The following KCNIP4 variants were observed in gnomAD, a reference collection of about 807,000 sequenced individuals.
KCNIP4 encodes potassium voltage-gated channel interacting protein 4, also known as Kv channel-interacting protein 4.
KCNIP4 carries 12 observed loss-of-function variants against 34.0 expected under a neutral mutation model. That is an observed-to-expected ratio of 0.35 (90% CI 0.23 to 0.57). KCNIP4 has a LOEUF of 0.57. Ranked by LOEUF, KCNIP4 falls within the 20% of genes least tolerant of loss-of-function variation. The pLI is 0.83. For synonymous variants in KCNIP4, 124 were observed against 102.2 expected (o/e 1.21, Z -1.29); for missense variants, 238 against 311.7 (o/e 0.76, Z 1.78).
intron 1 of KCNIP4, among the ~76,000 whole-genome samples, chr4:20,884,460 A>G (rs1047232566): frequency 1.3e-5 from 2 of 151,634 alleles, no homozygotes; most frequent in East Asian, 3.9e-4. Flanking sequence ...CTTGCAAAAT[A>G]AATCTGGTTT....
At chr4:21,832,242 C>A (rs1723032065) in intron 1 of KCNIP4, among the ~76,000 whole-genome samples, 1 of 152,084 alleles carries the variant, frequency 6.6e-6, no homozygotes. Context: ...ATAATAAAGG[C>A]CTTAAATGAC....
At chr4:20,920,762 C>T (rs1028050908) in intron 1 of KCNIP4, among the ~76,000 whole-genome samples, 5 of 152,020 alleles carry the variant, frequency 3.3e-5, no homozygotes, top group South Asian at 2.1e-4. Flanking sequence ...GAGGCCGAGG[C>T]GGGTGGATCA....
At chr4:21,300,993 C>T (rs900233310) in intron 1 of KCNIP4, among the ~76,000 whole-genome samples, 7 of 152,040 alleles carry the variant, frequency 4.6e-5, no homozygotes, top group African/African-American at 1.7e-4. Context: ...AGCATTTGTG[C>T]TCCAACTACT....
chr4:21,105,620 T>G (rs1405685916), intron 1 of KCNIP4, among the ~76,000 whole-genome samples: 1 of 151,654 alleles, frequency 6.6e-6, no homozygotes, highest in Non-Finnish European at 1.5e-5. Flanking sequence ...TGGCCAGAAC[T>G]TCCAACACTA....
intron 1 of KCNIP4, among the ~76,000 whole-genome samples, chr4:21,503,378 C>G (rs1173595638): frequency 2.6e-5 from 4 of 152,120 alleles, no homozygotes; most frequent in Non-Finnish European, 5.9e-5. Flanking sequence ...ACCTGTAGGT[C>G]CTTGAGGTAC....
At chr4:21,433,521 G>A (rs1471483013) in intron 1 of KCNIP4, among the ~76,000 whole-genome samples, 1 of 152,226 alleles carries the variant, frequency 6.6e-6, no homozygotes, top group East Asian at 1.9e-4. Flanking sequence ...AACCCGCAAT[G>A]TGAAGAAGAG....
At chr4:20,758,307 T>C (rs1222241248) in intron 4 of KCNIP4, among the ~76,000 whole-genome samples, 4 of 152,142 alleles carry the variant, frequency 2.6e-5, no homozygotes, top group Admixed American at 2.6e-4. Flanking sequence ...AAAGAATTAC[T>C]GAAAGAAAGA....
At chr4:20,853,997 T>C (rs1352517755) in intron 2 of KCNIP4, among the ~76,000 whole-genome samples, 2 of 152,074 alleles carry the variant, frequency 1.3e-5, no homozygotes, top group African/African-American at 4.8e-5. Flanking sequence ...AAAACAGATG[T>C]TGGTGTGGAT....
intron 1 of KCNIP4, among the ~76,000 whole-genome samples, chr4:21,690,027 T>C (rs1390736588): frequency 1.3e-5 from 2 of 151,250 alleles, no homozygotes; most frequent in Non-Finnish European, 1.5e-5. Context: ...CATAGAGCCA[T>C]ATTTTGTAGG....
chr4:21,939,875 A>G (rs1340913924), intron 1 of KCNIP4, among the ~76,000 whole-genome samples: 1 of 152,198 alleles, frequency 6.6e-6, no homozygotes, highest in Non-Finnish European at 1.5e-5. Flanking sequence ...GTATAATAAT[A>G]TCCCTAAAAT....
At chr4:20,995,148 C>T (rs544004951) in intron 1 of KCNIP4, among the ~76,000 whole-genome samples, 1 of 152,294 alleles carries the variant, frequency 6.6e-6, no homozygotes, top group South Asian at 2.1e-4. Context: ...AAAAGGTTTG[C>T]ATGATCTGAA....
intron 1 of KCNIP4, among the ~76,000 whole-genome samples, chr4:21,260,565 A>G (rs1321289838): frequency 2.1e-5 from 3 of 140,166 alleles, no homozygotes; most frequent in African/African-American, 7.6e-5. Flanking sequence ...GCATAAACAC[A>G]TCTGGCTGGA....
At chr4:21,603,746 CG>C (rs747602744) in intron 1 of KCNIP4, among the ~76,000 whole-genome samples, 73 of 151,686 alleles carry the variant, frequency 4.8e-4, no homozygotes, top group Non-Finnish European at 8.1e-4. Context: ...GTCTGACTAG[CG>C]ATGTGTCTTT....
intron 5 of KCNIP4, among the ~76,000 whole-genome samples, chr4:20,737,863 G>A (rs950787873): frequency 1.5e-4 from 23 of 152,232 alleles, no homozygotes; most frequent in African/African-American, 5.5e-4. Context: ...TGGGGATCAT[G>A]GCTCATGCCT....
At chr4:21,086,928 C>CTTCT (rs138679844) in intron 1 of KCNIP4, among the ~76,000 whole-genome samples, 1 of 149,256 alleles carries the variant, frequency 6.7e-6, no homozygotes, top group Non-Finnish European at 1.5e-5. Context: ...TTTCCCTTTC[C>CTTCT]TTCTTTCTTT....
intron 3 of KCNIP4, among the ~76,000 whole-genome samples, chr4:20,778,623 T>C (rs1245319273): frequency 1.3e-5 from 2 of 152,188 alleles, no homozygotes; most frequent in Non-Finnish European, 2.9e-5. Flanking sequence ...TTTCTTACTA[T>C]TGCATGGCAA....
intron 1 of KCNIP4, among the ~76,000 whole-genome samples, chr4:21,583,727 C>A (rs921802260): frequency 2.0e-5 from 3 of 151,834 alleles, no homozygotes; most frequent in Non-Finnish European, 2.9e-5. Context: ...TTCTGAGTTC[C>A]AAGCAGGGAA....
intron 1 of KCNIP4, among the ~76,000 whole-genome samples, chr4:21,887,175 G>C (rs1280956849): frequency 6.6e-6 from 1 of 152,046 alleles, no homozygotes; most frequent in South Asian, 2.1e-4. Flanking sequence ...AGTCAGTTTG[G>C]GGTTCTATAA....
intron 1 of KCNIP4, among the ~76,000 whole-genome samples, chr4:21,178,815 CTTTTTT>C (rs10611485): frequency 5.1e-5 from 7 of 136,788 alleles, no homozygotes; most frequent in African/African-American, 1.4e-4. Context: ...TAACACCAAA[CTTTTTT>C]TTTTTTTTTT....
Sources: gnomAD v4.1 joint callset for allele counts (sites outside exome capture counted in the v4.1 genomes callset) on GRCh38, gnomAD v4.1.1 for gene constraint, MANE v1.5 for transcripts, NCBI Gene and HGNC (gene_info 2026-07-23, HGNC 2026-07-21) for gene names.